STMN2: variants seen among roughly 807,000 people sequenced by gnomAD.
STMN2 encodes the protein stathmin-2.
A neutral mutation model predicts 24.1 loss-of-function variants in STMN2; 2 were observed. The ratio of observed to expected loss-of-function variants is 0.08; its 90% confidence interval spans 0.03 to 0.26. The LOEUF (loss-of-function observed/expected upper bound fraction) is 0.26. Among genes scored for constraint, STMN2 ranks in the 10% least tolerant of loss-of-function variants. The probability of loss-of-function intolerance (pLI) is 1.00; values close to 1 mark genes in which losing one functional copy is unlikely to be tolerated. For synonymous variants in STMN2, 83 were observed against 77.5 expected, an observed-to-expected ratio of 1.07 and a Z score of -0.37; for missense variants, 114 against 213.6, an observed-to-expected ratio of 0.53 and a Z score of 2.91.
At chr8:79,617,943 A>G (rs536379009) in intron 1 of STMN2, among the ~76,000 whole-genome samples, 4 of 152,342 alleles carry the variant, frequency 2.6e-5, no homozygotes, top group East Asian at 3.9e-4. Context: ...TATTACAGAT[A>G]TGGAAACTGA....
intron 2 of STMN2, among the ~76,000 whole-genome samples, chr8:79,638,547 T>C (rs1211964590): frequency 6.6e-6 from 1 of 152,246 alleles, no homozygotes; most frequent in Non-Finnish European, 1.5e-5. Context: ...CTATGTTAGA[T>C]AATAACGTGA....
intron 1 of STMN2, among the ~76,000 whole-genome samples, chr8:79,622,854 C>T (rs534452637): frequency 9.2e-5 from 14 of 152,258 alleles, no homozygotes; most frequent in African/African-American, 3.4e-4. Flanking sequence ...CACACGTACA[C>T]GCACGCATGC....
intron 3 of STMN2, among the ~76,000 whole-genome samples, chr8:79,642,310 A>G (rs1371173929): frequency 6.6e-6 from 1 of 152,210 alleles, no homozygotes; most frequent in African/African-American, 2.4e-5. Context: ...GAGAACACTT[A>G]GAAATCCTAG....
At chr8:79,635,279 G>A (rs574565137) in intron 1 of STMN2, among the ~76,000 whole-genome samples, 8 of 152,296 alleles carry the variant, frequency 5.3e-5, no homozygotes, top group Admixed American at 1.3e-4. Flanking sequence ...GGGTTGCAAC[G>A]GAGGGAAGGA....
intron 3 of STMN2, 73 bp downstream of exon 3, chr8:79,641,623 T>TGCAC (rs1279392091): frequency 7.1e-5 from 37 of 520,916 alleles, no homozygotes; most frequent in Admixed American, 1.5e-4. Context: ...CGGGCACACA[T>TGCAC]GCACGCACAC....
chr8:79,611,752 C>T (rs763497922), intron 1 of STMN2: 4 of 982,460 alleles, frequency 4.1e-6, no homozygotes, highest in African/African-American at 3.5e-5. Context: ...GGTATTGTCT[C>T]GTCGAAGAAA....
At chr8:79,613,798 C>A in intron 1 of STMN2, 1 of 985,304 alleles carries the variant, frequency 1.0e-6, no homozygotes, top group Non-Finnish European at 1.2e-6. Flanking sequence ...AGTTATAAAG[C>A]AAATATATTT....
intron 1 of STMN2, among the ~76,000 whole-genome samples, chr8:79,624,125 G>A (rs1809584333): frequency 1.3e-5 from 2 of 152,106 alleles, no homozygotes; most frequent in South Asian, 2.1e-4. Flanking sequence ...GTGTGTATTG[G>A]TTATGGATTG....
intron 4 of STMN2, among the ~76,000 whole-genome samples, chr8:79,662,104 A>T (rs1461850420): frequency 6.6e-6 from 1 of 152,136 alleles, no homozygotes. Context: ...TCCAGTAGAG[A>T]AATCTTTCTA....
chr8:79,633,684 T>C (rs937010964), intron 1 of STMN2, among the ~76,000 whole-genome samples: 1 of 152,232 alleles, frequency 6.6e-6, no homozygotes, highest in Non-Finnish European at 1.5e-5. Flanking sequence ...ATCCCATTCA[T>C]GAAGGCTTCA....
chr8:79,616,361 T>C (rs1483509117), intron 1 of STMN2, among the ~76,000 whole-genome samples: 1 of 152,236 alleles, frequency 6.6e-6, no homozygotes, highest in Non-Finnish European at 1.5e-5. Flanking sequence ...TAATTTTGGG[T>C]ATCATCAAAA....
At chr8:79,621,558 C>T (rs1195437480) in intron 1 of STMN2, among the ~76,000 whole-genome samples, 1 of 152,206 alleles carries the variant, frequency 6.6e-6, no homozygotes, top group East Asian at 1.9e-4. Flanking sequence ...GAAGAGCCTT[C>T]TTCTTCTTAA....
intron 1 of STMN2, among the ~76,000 whole-genome samples, chr8:79,630,540 A>G (rs1809774657): frequency 6.6e-6 from 1 of 152,260 alleles, no homozygotes; most frequent in Non-Finnish European, 1.5e-5. Context: ...CACAAATGCG[A>G]TAAACATTCT....
At chr8:79,645,313 T>G (rs1810195536) in intron 3 of STMN2, among the ~76,000 whole-genome samples, 1 of 152,232 alleles carries the variant, frequency 6.6e-6, no homozygotes, top group East Asian at 1.9e-4. Context: ...ATGTAATCAA[T>G]ATAGAAGTAT....
chr8:79,663,801 T>C (rs1806547867), intron 4 of STMN2: 2 of 595,158 alleles, frequency 3.4e-6, no homozygotes, highest in Non-Finnish European at 5.3e-6. Context: ...AGCCACATAC[T>C]AAAAAATACT....
At chr8:79,618,040 A>G (rs1262396465) in intron 1 of STMN2, among the ~76,000 whole-genome samples, 1 of 152,232 alleles carries the variant, frequency 6.6e-6, no homozygotes, top group African/African-American at 2.4e-5. Flanking sequence ...TTCGGAATCC[A>G]TCTTTCACCG....
At chr8:79,657,843 C>A (rs1159922237) in intron 4 of STMN2, among the ~76,000 whole-genome samples, 5 of 152,122 alleles carry the variant, frequency 3.3e-5, no homozygotes, top group African/African-American at 1.2e-4. Context: ...TAAAATAAGA[C>A]AAAGTTTTAT....
intron 1 of STMN2, chr8:79,611,752 C>G (rs763497922): frequency 5.1e-6 from 5 of 982,576 alleles, no homozygotes; most frequent in Non-Finnish European, 6.0e-6. Flanking sequence ...GGTATTGTCT[C>G]GTCGAAGAAA....
chr8:79,630,386 G>C (rs1352536578), intron 1 of STMN2, among the ~76,000 whole-genome samples: 1 of 152,122 alleles, frequency 6.6e-6, no homozygotes, highest in East Asian at 1.9e-4. Flanking sequence ...CAAAGTCATA[G>C]TCAGGCTAAA....
Sources: allele counts gnomAD v4.1 joint callset (sites outside exome capture counted in the v4.1 genomes callset), GRCh38; gene constraint gnomAD v4.1.1; transcripts MANE v1.5; gene names NCBI Gene and HGNC (gene_info 2026-07-23, HGNC 2026-07-21).